The following CRLS1 variants were observed in gnomAD, a reference collection of about 807,000 sequenced individuals.
The protein encoded by CRLS1 is cardiolipin synthase 1.
CRLS1 carries 24 observed loss-of-function variants against 37.0 expected under a neutral mutation model. The ratio of observed to expected loss-of-function variants is 0.65; its 90% CI spans 0.47 to 0.91. The LOEUF is 0.91. Ranked by LOEUF, CRLS1 falls within the 40% of genes least tolerant of loss-of-function variation. CRLS1 has a pLI of 0.00. For synonymous variants in CRLS1, 135 were observed against 159.7 expected, an observed-to-expected ratio of 0.85 and a Z score of 1.17; for missense variants, 373 against 395.8, an observed-to-expected ratio of 0.94 and a Z score of 0.49.
chr20:6,006,126 A>G lies in CRLS1; in HGVS notation c.-121A>G. ...AGTGTGCTGGGGTGTGTAAAGTAGT[A>G]TGGAGGCAGCGGTAGCCCAGTGTCT... On this transcript the variant is annotated 5_prime_UTR_variant, in exon 1 of 7. The change abolishes an upstream ATG in the 5' untranslated region. Coordinates refer to ENST00000378863, the MANE Select transcript of CRLS1 (RefSeq NM_019095.6). 2 of 468,606 alleles carry G rather than the reference A, an allele frequency of 4.3e-6. No homozygotes were observed. Among genetic ancestry groups the G allele is most frequent in the African/African-American group, 2.0e-5 (1 of 49,228 alleles). 29.0% of individuals were successfully genotyped at this position (468,606 alleles called of 1,614,324 possible).
At chr20:6,025,386 T>G (rs1376152228) in intron 3 of CRLS1, among the ~76,000 whole-genome samples, 1 of 152,194 alleles carries the variant, frequency 6.6e-6, no homozygotes, top group Non-Finnish European at 1.5e-5. Flanking sequence ...GCTGAATATT[T>G]TAAGCCTACA....
In CRLS1 at chr20:6,006,142, C is replaced by T; in HGVS notation, c.-105C>T. 1 of 529,606 alleles carries T rather than the reference C, an allele frequency of 1.9e-6. No individual in the cohort carries two copies. The highest frequency in any genetic ancestry group is 2.0e-5 in the African/African-American group (1 of 50,436). 32.8% of individuals were successfully genotyped at this position (529,606 alleles called of 1,614,324 possible). ...TAAAGTAGTATGGAGGCAGCGGTAG[C>T]CCAGTGTCTGAGTGGTTGCCGGGTC... On this transcript the variant is annotated 5_prime_UTR_variant, in exon 1 of 7. Coordinates refer to ENST00000378863, the MANE Select transcript of CRLS1 (RefSeq NM_019095.6).
intron 3 of CRLS1, among the ~76,000 whole-genome samples, chr20:6,029,597 G>T (rs889871405): frequency 1.3e-5 from 2 of 152,196 alleles, no homozygotes; most frequent in African/African-American, 4.8e-5. Flanking sequence ...GACCTCCGGT[G>T]ATCTGCCTGC....
chr20:6,010,163 T>C (rs909151635), intron 2 of CRLS1, among the ~76,000 whole-genome samples: 5 of 152,170 alleles, frequency 3.3e-5, no homozygotes, highest in African/African-American at 1.2e-4. Flanking sequence ...ACTCTTGGTT[T>C]TTAAGAGTGA....
chr20:6,011,571 G>GC (rs201052934), intron 2 of CRLS1, among the ~76,000 whole-genome samples: 2,776 of 42,398 alleles, frequency 0.065, 121 homozygotes, highest in African/African-American at 0.1. Context: ...TTTTGTCCCT[G>GC]CTTTTTTTTT....
At chr20:6,034,611 T>A in intron 6 of CRLS1, 56 bp downstream of exon 6, 1 of 1,270,344 alleles carries the variant, frequency 7.9e-7, no homozygotes, top group Non-Finnish European at 1.1e-6. Flanking sequence ...CTTATGGTGA[T>A]AGCCCTAGAA....
intron 1 of CRLS1, chr20:6,006,888 C>A: frequency 1.1e-6 from 1 of 905,650 alleles, no homozygotes; most frequent in Non-Finnish European, 1.3e-6. Context: ...TGAAGTGAAT[C>A]CCCAGTGTTT....
upstream of CRLS1, chr20:6,005,969 C>T (rs374152917): frequency 2.7e-5 from 8 of 294,624 alleles, no homozygotes; most frequent in African/African-American, 1.5e-4. Context: ...CCCGCTGCTT[C>T]CCAAAACCCA....
intron 2 of CRLS1, among the ~76,000 whole-genome samples, chr20:6,014,480 A>G (rs1249962480): frequency 1.3e-5 from 2 of 152,212 alleles, no homozygotes; most frequent in Non-Finnish European, 1.5e-5. Context: ...GAACTCAAAC[A>G]TTTGTTGAAA....
chr20:6,027,877 T>C (rs1013721610), intron 3 of CRLS1, among the ~76,000 whole-genome samples: 2 of 152,236 alleles, frequency 1.3e-5, no homozygotes, highest in Non-Finnish European at 2.9e-5. Flanking sequence ...ATCTAACTGC[T>C]CTTTATATGG....
At chr20:6,025,984 G>A (rs992279448) in intron 3 of CRLS1, among the ~76,000 whole-genome samples, 29 of 152,174 alleles carry the variant, frequency 1.9e-4, no homozygotes, top group African/African-American at 6.5e-4. Context: ...TGACAACAGA[G>A]GATTTAAAAT....
rs1226154066 is a variant in CRLS1 at position 6,039,012 on chromosome 20, T to C, written c.*1854T>C. ...TATTAGACATGTCTGAGTATGTACT[T>C]GTTTATAGACTCAAAACATGATGAA... On this transcript the variant is annotated 3_prime_UTR_variant, in exon 7 of 7. Transcript: ENST00000378863. The C allele has an allele frequency of 1.3e-5, 2 of 152,254 alleles. No homozygotes were observed. Among genetic ancestry groups the C allele is most frequent in the African/African-American group, 4.8e-5 (2 of 41,470 alleles). The allele number at this position is 152,254 out of a possible 1,614,324, so 9.4% of individuals were successfully genotyped here.
intron 6 of CRLS1, among the ~76,000 whole-genome samples, chr20:6,035,202 C>G (rs768080453): frequency 2.0e-4 from 30 of 152,086 alleles, no homozygotes; most frequent in Non-Finnish European, 2.2e-4. Context: ...GCCAGGCAGT[C>G]TTTTAAAAAA....
chr20:6,036,931 A>T, intron 6 of CRLS1, 143 bp from the exon 7 acceptor site: 1 of 568,784 alleles, frequency 1.8e-6, no homozygotes, highest in Non-Finnish European at 3.1e-6. Flanking sequence ...TCTTGTAGTT[A>T]AGAAAAATTA....
At chr20:6,034,645 T>C in intron 6 of CRLS1, 90 bp downstream of exon 6, 1 of 921,690 alleles carries the variant, frequency 1.1e-6, no homozygotes, top group Non-Finnish European at 1.7e-6. Context: ...ACAGCATTTG[T>C]TGAGCACTGA....
intron 3 of CRLS1, among the ~76,000 whole-genome samples, chr20:6,019,501 AT>A (rs1979043481): frequency 1.0e-5 from 1 of 97,216 alleles, no homozygotes; most frequent in Non-Finnish European, 2.2e-5. Flanking sequence ...CCTCTTGATT[AT>A]TTTTTGTCCC....
At chr20:6,011,795 A>C (rs1467927469) in intron 2 of CRLS1, among the ~76,000 whole-genome samples, 1 of 151,004 alleles carries the variant, frequency 6.6e-6, no homozygotes, top group Admixed American at 6.6e-5. Flanking sequence ...CATGTTGGCC[A>C]GGCTGGTCTC....
chr20:6,008,007 A>G (rs970365032), intron 1 of CRLS1, among the ~76,000 whole-genome samples: 2 of 152,120 alleles, frequency 1.3e-5, no homozygotes, highest in African/African-American at 2.4e-5. Flanking sequence ...CCCCAGCAAT[A>G]ACTATTTAAT....
chr20:6,026,400 ATAACT>A (rs1979712057), intron 3 of CRLS1, among the ~76,000 whole-genome samples: 1 of 152,140 alleles, frequency 6.6e-6, no homozygotes, highest in South Asian at 2.1e-4. Flanking sequence ...TAGTGTAGAC[ATAACT>A]TTCATATGCA....
Sources: gnomAD v4.1 joint callset for allele counts (sites outside exome capture counted in the v4.1 genomes callset) on GRCh38, gnomAD v4.1.1 for gene constraint, MANE v1.5 for transcripts, NCBI Gene and HGNC (gene_info 2026-07-23, HGNC 2026-07-21) for gene names.